The following NDUFB4 variants were observed in gnomAD, a reference collection of about 807,000 sequenced individuals.
NDUFB4 encodes NADH:ubiquinone oxidoreductase subunit B4.
A neutral mutation model predicts 14.5 loss-of-function variants in NDUFB4; 10 were observed. That is an observed-to-expected ratio of 0.69 (90% confidence interval 0.43 to 1.17). The LOEUF is 1.17. Ranked by LOEUF, NDUFB4 falls within the 50% of genes most tolerant of loss-of-function variation. The pLI is 0.00. For missense variants in NDUFB4, 165 were observed against 161.1 expected (o/e 1.02, Z -0.13); for synonymous variants, 65 against 63.4 (o/e 1.03, Z -0.12).
Position 120,596,512 on chromosome 3 carries a change from C to G in NDUFB4, c.153C>G (p.Tyr51Ter). ...AQLKREYLLQ[Y>*]NDPNRRGLIE... ...TGAAACGAGAGTACCTGCTTCAGTACAACGATCCCAACCGCCGAGGGCTCA... is the reference window on the plus strand; with the variant it reads ...TGAAACGAGAGTACCTGCTTCAGTAGAACGATCCCAACCGCCGAGGGCTCA... Residue 51 changes from tyrosine (Y) to a stop codon, truncating the protein, a stop_gained, in exon 1 of 3, where the codon TAC (tyrosine) becomes TAG (stop). Coordinates refer to ENST00000184266, the MANE Select transcript of NDUFB4 (RefSeq NM_004547.6). LOFTEE classifies it high-confidence loss of function. The G allele has an allele frequency of 1.2e-6, 2 of 1,613,804 alleles. No homozygotes were observed. Among genetic ancestry groups the G allele is most frequent in the Non-Finnish European group, 1.7e-6 (2 of 1,179,844 alleles).
At chr3:120,599,574 G>A (rs755901956) in intron 1 of NDUFB4, among the ~76,000 whole-genome samples, 2 of 152,128 alleles carry the variant, frequency 1.3e-5, no homozygotes, top group African/African-American at 4.8e-5. Context: ...CACCATGTCA[G>A]ATGCTACTGA....
chr3:120,596,575 G>A, intron 1 of NDUFB4, 36 bp downstream of exon 1: 2 of 1,600,788 alleles, frequency 1.2e-6, no homozygotes, highest in South Asian at 1.1e-5. Flanking sequence ...AATAGGGCCC[G>A]AGTCCTGGGA....
chr3:120,602,072 C>G (rs1445635966), intron 2 of NDUFB4, 136 bp from the exon 3 acceptor site: 2 of 1,476,870 alleles, frequency 1.4e-6, no homozygotes, highest in Non-Finnish European at 1.8e-6. Context: ...TGGAGTGTTT[C>G]ATTCTGTTTG....
chr3:120,598,277 C>T (rs1384878432), intron 1 of NDUFB4, among the ~76,000 whole-genome samples: 1 of 152,042 alleles, frequency 6.6e-6, no homozygotes, highest in Non-Finnish European at 1.5e-5. Context: ...TGGTCTTGAA[C>T]TCCTGAGCTC....
At chr3:120,599,848 A>G (rs190341864) in intron 1 of NDUFB4, among the ~76,000 whole-genome samples, 1 of 152,210 alleles carries the variant, frequency 6.6e-6, no homozygotes, top group Admixed American at 6.5e-5. Flanking sequence ...AGATGCATTA[A>G]TCCTTTCAGC....
Position 120,596,554 on chromosome 3 carries a change from T to A in NDUFB4, c.180+15T>A. 6.2e-7 allele frequency: 1 copy of A among 1,612,072 alleles called. No homozygotes were observed. The highest frequency in any genetic ancestry group is 1.3e-5 in the African/African-American group (1 of 74,970). ...GAGGGCTCATCGTGAGTGTGGGGCC[T>A]CCCAGGCGGGAATAGGGCCCGAGTC... On this transcript the variant is annotated intron_variant, in intron 1 of 2. Coordinates refer to ENST00000184266, the MANE Select transcript of NDUFB4 (RefSeq NM_004547.6).
At chr3:120,599,190 G>GA (rs1464038450) in intron 1 of NDUFB4, among the ~76,000 whole-genome samples, 1 of 152,190 alleles carries the variant, frequency 6.6e-6, no homozygotes, top group Non-Finnish European at 1.5e-5. Context: ...ACAGGAATGG[G>GA]AGAAGAGAAG....
intron 1 of NDUFB4, among the ~76,000 whole-genome samples, chr3:120,598,483 C>T (rs1940004731): frequency 6.6e-6 from 1 of 152,024 alleles, no homozygotes. Context: ...CCTTGTAGAA[C>T]AAACTTTCTA....
At chr3:120,601,557 C>A (rs1161270462) in intron 2 of NDUFB4, 4 of 1,212,654 alleles carry the variant, frequency 3.3e-6, no homozygotes, top group Non-Finnish European at 4.1e-6. Context: ...TGCGTGAATT[C>A]TATTTATGTT....
Position 120,602,258 on chromosome 3 carries a change from C to T in NDUFB4, c.378C>T (p.His126=), listed in dbSNP as rs1642001196. 1 of 1,609,752 alleles carries T rather than the reference C, an allele frequency of 6.2e-7. No homozygotes were observed. Residue 126 remains histidine, a synonymous_variant, in exon 3 of 3, where the codon CAC becomes CAT. Transcript: ENST00000184266. ...IQEGKLDRTF[H]LSY ...AAGGAAAATTGGATCGAACATTTCA[C>T]CTCTCATATTAAGTCTGGCAATGAT...
At chr3:120,601,343 C>A in intron 2 of NDUFB4, 86 bp downstream of exon 2, 1 of 1,581,642 alleles carries the variant, frequency 6.3e-7, no homozygotes, top group Non-Finnish European at 8.6e-7. Flanking sequence ...TGAAGATTGC[C>A]ACCAGTGCCC....
chr3:120,602,026 T>C (rs1940072756), intron 2 of NDUFB4, 182 bp from the exon 3 acceptor site: 4 of 1,390,564 alleles, frequency 2.9e-6, no homozygotes, highest in Non-Finnish European at 3.7e-6. Flanking sequence ...CTTCGCACAC[T>C]CCCTGGGCTT....
At chr3:120,598,986 A>G (rs144279852) in intron 1 of NDUFB4, among the ~76,000 whole-genome samples, 10 of 152,284 alleles carry the variant, frequency 6.6e-5, no homozygotes, top group African/African-American at 2.4e-4. Flanking sequence ...CTTTTGTAGT[A>G]ATCCAATCTC....
rs1037426262 is a variant in NDUFB4, at chr3:120,602,358, T to G, written c.*88T>G. 1.6e-6 allele frequency: 2 copies of G among 1,266,310 alleles called. No individual in the cohort carries two copies. Among genetic ancestry groups the G allele is most frequent in the East Asian group, 4.8e-5 (2 of 41,940 alleles). 78.4% of individuals were successfully genotyped at this position (1,266,310 alleles called of 1,614,324 possible). ...TAGTTTCTCTTTCTTAGTATTACCT[T>G]GATTCAATGTTAAAAACTATTAACA... On this transcript the variant is annotated 3_prime_UTR_variant, in exon 3 of 3. Coordinates refer to ENST00000184266, the MANE Select transcript of NDUFB4 (RefSeq NM_004547.6).
At chr3:120,599,843 C>T (rs1444401548) in intron 1 of NDUFB4, among the ~76,000 whole-genome samples, 1 of 152,086 alleles carries the variant, frequency 6.6e-6, no homozygotes, top group African/African-American at 2.4e-5. Flanking sequence ...AGAATAGATG[C>T]ATTAATCCTT....
At chr3:120,597,724 C>G (rs927506285) in intron 1 of NDUFB4, among the ~76,000 whole-genome samples, 1 of 152,146 alleles carries the variant, frequency 6.6e-6, no homozygotes, top group East Asian at 1.9e-4. Context: ...TTTGTGTAAC[C>G]CACAGCATCT....
At chr3:120,597,146 G>T (rs1226258962) in intron 1 of NDUFB4, among the ~76,000 whole-genome samples, 1 of 150,890 alleles carries the variant, frequency 6.6e-6, no homozygotes, top group East Asian at 1.9e-4. Context: ...GCTCTCTCCT[G>T]ATGGGAATAC....
Position 120,596,526 on chromosome 3 carries a change from G to A in NDUFB4, c.167G>A (p.Arg56His). The part of the protein sequence containing the change: ...EYLLQYNDPN[R>H]RGLIENPALL... ...CTGCTTCAGTACAACGATCCCAACC[G>A]CCGAGGGCTCATCGTGAGTGTGGGG... The change falls in exon 1 of 3, where the codon CGC (arginine) becomes CAC (histidine). Residue 56 changes from arginine (R) to histidine (H), a missense_variant. Physicochemically the swap from Arg to His is conservative, Grantham distance 29. Coordinates refer to ENST00000184266, the MANE Select transcript of NDUFB4 (RefSeq NM_004547.6). 6.2e-7 allele frequency: 1 copy of A among 1,613,596 alleles called. No homozygotes were observed. Among genetic ancestry groups the A allele is most frequent in the Non-Finnish European group, 8.5e-7 (1 of 1,179,770 alleles).
chr3:120,596,909 C>T (rs895882126), intron 1 of NDUFB4, among the ~76,000 whole-genome samples: 5 of 149,848 alleles, frequency 3.3e-5, no homozygotes, highest in Admixed American at 2.0e-4. Context: ...CACAGTGCCT[C>T]GTTCGTAAGG....
Sources: gnomAD v4.1 joint callset for allele counts (sites outside exome capture counted in the v4.1 genomes callset) on GRCh38, gnomAD v4.1.1 for gene constraint, MANE v1.5 for transcripts, NCBI Gene and HGNC (gene_info 2026-07-23, HGNC 2026-07-21) for gene names.